ARFGEF2: variants seen among roughly 807,000 people sequenced by gnomAD.
ARFGEF2 encodes the protein brefeldin A-inhibited guanine nucleotide-exchange protein 2.
A neutral mutation model predicts 219.9 loss-of-function variants in ARFGEF2; 74 were observed. The observed-to-expected ratio is 0.34, with a 90% CI of 0.28 to 0.41. The LOEUF (loss-of-function observed/expected upper bound fraction) is 0.41. Ranked by LOEUF, ARFGEF2 falls within the 10% of genes least tolerant of loss-of-function variation. ARFGEF2 has a pLI of 1.00. For synonymous variants in ARFGEF2, 733 were observed against 799.2 expected (o/e 0.92, Z 1.40); for missense variants, 1,743 against 2,218.3 (o/e 0.79, Z 4.30).
intron 25 of ARFGEF2, among the ~76,000 whole-genome samples, chr20:49,000,237 A>G (rs73264269): frequency 0.014 from 2,153 of 152,320 alleles, 46 homozygotes; most frequent in African/African-American, 0.049. Flanking sequence ...TTGTTTTTCC[A>G]TCAGCTCAAA....
intron 23 of ARFGEF2, 50 bp downstream of exon 23, chr20:48,995,932 CCT>C (rs1250301593): frequency 4.6e-6 from 7 of 1,517,736 alleles, no homozygotes; most frequent in Middle Eastern, 1.7e-4. Flanking sequence ...GGTTTGGTGG[CCT>C]CTCTGTAGTT....
At chr20:48,940,563 C>G (rs770780410) in intron 1 of ARFGEF2, among the ~76,000 whole-genome samples, 25 of 152,226 alleles carry the variant, frequency 1.6e-4, no homozygotes, top group Non-Finnish European at 2.1e-4. Context: ...CATGAACATG[C>G]ATTCTGCAGA....
chr20:49,001,725 A>G (rs908058020), intron 25 of ARFGEF2, among the ~76,000 whole-genome samples: 5 of 152,166 alleles, frequency 3.3e-5, no homozygotes, highest in African/African-American at 1.2e-4. Flanking sequence ...CCCCAAAGCT[A>G]ATTATTCTTA....
intron 6 of ARFGEF2, among the ~76,000 whole-genome samples, chr20:48,962,405 A>G (rs570237330): frequency 6.6e-6 from 1 of 152,298 alleles, no homozygotes; most frequent in East Asian, 1.9e-4. Context: ...TCCATTTGTA[A>G]TCTTCCTGGA....
rs778535298 is a variant in ARFGEF2, at chr20:48,988,356, A to G, written c.2329A>G (p.Ile777Val). 1.9e-6 allele frequency: 3 copies of G among 1,613,780 alleles called. No individual in the cohort carries two copies. Among genetic ancestry groups the G allele is most frequent in the Non-Finnish European group, 2.5e-6 (3 of 1,180,008 alleles). Residue 777 changes from isoleucine (I) to valine (V), a missense_variant, in exon 17 of 39, where the codon ATT becomes GTT. Transcript: ENST00000371917. Reference protein sequence around the residue: ...DTAYVLAYSIIMLTTDLHSPQ... With the variant: ...DTAYVLAYSIVMLTTDLHSPQ... ...TGCTTATGTCCTAGCGTATTCAATT[A>G]TTATGCTGACTACAGACTTGCACAG...
chr20:48,924,511 C>CAAAA (rs11476973), intron 1 of ARFGEF2, among the ~76,000 whole-genome samples: 19 of 78,440 alleles, frequency 2.4e-4, no homozygotes, highest in Non-Finnish European at 3.9e-4. Flanking sequence ...GACTCTGTCT[C>CAAAA]AAAAAAAAAA....
chr20:48,961,736 C>T (rs990962480), intron 6 of ARFGEF2, among the ~76,000 whole-genome samples: 12 of 151,516 alleles, frequency 7.9e-5, no homozygotes, highest in Non-Finnish European at 1.5e-4. Flanking sequence ...TGGTGGCAGA[C>T]GCCTATAATC....
intron 3 of ARFGEF2, among the ~76,000 whole-genome samples, chr20:48,947,840 A>G (rs1467462728): frequency 6.6e-6 from 1 of 152,204 alleles, no homozygotes; most frequent in East Asian, 1.9e-4. Context: ...TGGGTGACAG[A>G]GTGAGACCCC....
At chr20:48,950,812 ATATATAT>A (rs1390802171) in intron 3 of ARFGEF2, among the ~76,000 whole-genome samples, 2,601 of 43,986 alleles carry the variant, frequency 0.059, 116 homozygotes, top group African/African-American at 0.093. Flanking sequence ...AAAAAAAAAA[ATATATAT>A]ATATATATAT....
chr20:48,971,028 C>A, intron 9 of ARFGEF2, 92 bp from the exon 10 acceptor site: 1 of 1,026,788 alleles, frequency 9.7e-7, no homozygotes, highest in Non-Finnish European at 1.5e-6. Flanking sequence ...TAAAATTCTA[C>A]TCATTGGTAA....
At chr20:48,933,990 C>T (rs763001253) in intron 1 of ARFGEF2, among the ~76,000 whole-genome samples, 6 of 151,840 alleles carry the variant, frequency 4.0e-5, no homozygotes, top group African/African-American at 1.2e-4. Context: ...CATGGTGGCA[C>T]GTGCCTGTAG....
intron 35 of ARFGEF2, among the ~76,000 whole-genome samples, chr20:49,024,786 T>A (rs1460108043): frequency 6.6e-6 from 1 of 151,852 alleles, no homozygotes; most frequent in Non-Finnish European, 1.5e-5. Context: ...GATCACGAGG[T>A]CGAGTCTGAG....
chr20:49,004,220 T>C (rs1251394935), intron 25 of ARFGEF2, among the ~76,000 whole-genome samples: 1 of 151,266 alleles, frequency 6.6e-6, no homozygotes, highest in East Asian at 2.0e-4. Flanking sequence ...AAAAAGTAGC[T>C]GGACGGGGTG....
At chr20:48,924,825 C>G (rs180693442) in intron 1 of ARFGEF2, among the ~76,000 whole-genome samples, 2 of 152,242 alleles carry the variant, frequency 1.3e-5, no homozygotes, top group African/African-American at 4.8e-5. Context: ...CCACTTGCTA[C>G]GTTTGTGATC....
At position 48,989,566 on chromosome 20, in the gene ARFGEF2, C is replaced by G. The variant is rs745621774; in HGVS notation, c.2696C>G (p.Thr899Arg). The change falls in exon 20 of 39, where the codon ACG becomes AGG. Residue 899 changes from threonine to arginine, a missense_variant. Around this residue, in one of 5 missense-constraint regions of ARFGEF2, gnomAD observed 666 missense variants for 955.4 expected, o/e 0.70. Coordinates refer to ENST00000371917, the MANE Select transcript of ARFGEF2 (RefSeq NM_006420.3). Reference protein sequence around the residue: ...HVRPMFKLVWTPLLAAYSIGL... With the variant: ...HVRPMFKLVWRPLLAAYSIGL... Reference sequence around the variant, plus strand: ...TTCCTTCCATGATAGCTGGTGTGGACGCCACTATTGGCAGCCTACAGCATC... The same window carrying G: ...TTCCTTCCATGATAGCTGGTGTGGAGGCCACTATTGGCAGCCTACAGCATC... 6.2e-6 allele frequency: 10 copies of G among 1,614,096 alleles called. No homozygotes were observed.
chr20:49,028,087 GTC>G (rs1230013202), intron 36 of ARFGEF2, among the ~76,000 whole-genome samples: 1 of 152,132 alleles, frequency 6.6e-6, no homozygotes, highest in African/African-American at 2.4e-5. Flanking sequence ...GAGAAACCCT[GTC>G]TCTACTAAAA....
intron 30 of ARFGEF2, among the ~76,000 whole-genome samples, chr20:49,015,450 TA>T (rs1365176815): frequency 2.0e-5 from 3 of 152,190 alleles, no homozygotes; most frequent in African/African-American, 7.2e-5. Flanking sequence ...GGCTACAAAA[TA>T]GTCTTAGTTG....
At chr20:49,015,069 G>A (rs566782306) in intron 30 of ARFGEF2, among the ~76,000 whole-genome samples, 3 of 152,106 alleles carry the variant, frequency 2.0e-5, no homozygotes, top group Admixed American at 6.5e-5. Context: ...GTATTTTTTC[G>A]TAGCCATAAC....
At chr20:48,939,938 C>G (rs981442421) in intron 1 of ARFGEF2, among the ~76,000 whole-genome samples, 2 of 152,102 alleles carry the variant, frequency 1.3e-5, no homozygotes, top group Non-Finnish European at 2.9e-5. Context: ...AGGAGGCTGG[C>G]CTTTTGGAGA....
Sources: allele counts gnomAD v4.1 joint callset (sites outside exome capture counted in the v4.1 genomes callset), GRCh38; gene constraint gnomAD v4.1.1; regional missense constraint gnomAD v4.1.1; transcripts MANE v1.5; gene names NCBI Gene and HGNC (gene_info 2026-07-23, HGNC 2026-07-21).